The following RTL4 variants were observed in gnomAD, a reference collection of about 807,000 sequenced individuals.
The protein encoded by RTL4 is retrotransposon Gag like 4.
A neutral mutation model predicts 5.3 loss-of-function variants in RTL4; 4 were observed. The ratio of observed to expected loss-of-function variants is 0.75; its 90% confidence interval spans 0.37 to 1.72. RTL4 has a LOEUF of 1.72. RTL4 is among the 40% of genes most tolerant of loss of function. The pLI, the probability that RTL4 is intolerant of heterozygous loss-of-function variation, is 0.04. For missense variants in RTL4, 260 were observed against 227.1 expected (o/e 1.14, Z -0.93); for synonymous variants, 98 against 87.3 (o/e 1.12, Z -0.68).
chrX:112,326,858 G>A, the RTL4 span, among the ~76,000 whole-genome samples: 43 of 111,667 alleles, frequency 3.9e-4, 1 homozygote, highest in Non-Finnish European at 7.2e-4. Context: ...CCTGACCCCC[G>A]AGCAGCCTAA....
chrX:112,284,402 C>T, the RTL4 span, among the ~76,000 whole-genome samples: 1 of 110,426 alleles, frequency 9.1e-6, no homozygotes, highest in Admixed American at 9.7e-5. Context: ...TCAACTGTAA[C>T]ATACTATATA....
the RTL4 span, among the ~76,000 whole-genome samples, chrX:112,349,946 T>A: frequency 9.0e-6 from 1 of 110,627 alleles, no homozygotes; most frequent in Non-Finnish European, 1.9e-5. Flanking sequence ...TGTGCCAGTT[T>A]TCAAAGGGAA....
the RTL4 span, among the ~76,000 whole-genome samples, chrX:112,236,293 A>G: frequency 9.5e-6 from 1 of 105,811 alleles, no homozygotes. Context: ...TTATTTAAAA[A>G]ATGAGAATAA....
chrX:112,125,766 T>C, the RTL4 span, among the ~76,000 whole-genome samples: 1 of 111,592 alleles, frequency 9.0e-6, no homozygotes, highest in African/African-American at 3.3e-5. Context: ...ATTTAAAGAA[T>C]TAAAAACTGT....
At chrX:112,327,880 C>A in the RTL4 span, among the ~76,000 whole-genome samples, 9 of 110,446 alleles carry the variant, frequency 8.1e-5, no homozygotes, top group East Asian at 2.1e-3. Flanking sequence ...GAATTTTCAA[C>A]CCAGAATTTC....
chrX:112,447,946 G>T, the RTL4 span, among the ~76,000 whole-genome samples: 4 of 111,537 alleles, frequency 3.6e-5, no homozygotes, highest in Non-Finnish European at 7.5e-5. Context: ...GATTCTCATA[G>T]TCAAAAAACA....
chrX:112,314,322 T>C, the RTL4 span, among the ~76,000 whole-genome samples: 1 of 110,675 alleles, frequency 9.0e-6, no homozygotes, highest in African/African-American at 3.3e-5. Flanking sequence ...TAAGTACAAC[T>C]TCCTAACACC....
the RTL4 span, among the ~76,000 whole-genome samples, chrX:112,264,280 T>C: frequency 1.8e-5 from 2 of 112,116 alleles, no homozygotes; most frequent in Admixed American, 9.5e-5. Context: ...AGCTCAACAA[T>C]CTCTTTAGCT....
chrX:112,305,179 CTT>C, the RTL4 span, among the ~76,000 whole-genome samples: 5 of 98,539 alleles, frequency 5.1e-5, no homozygotes, highest in African/African-American at 7.4e-5. Flanking sequence ...TTTTTTTTGT[CTT>C]TTTTTTTTTT....
At chrX:112,283,332 G>A in the RTL4 span, among the ~76,000 whole-genome samples, 1 of 111,690 alleles carries the variant, frequency 9.0e-6, no homozygotes, top group Admixed American at 9.5e-5. Flanking sequence ...AATGGATATA[G>A]TAAGAGCAGT....
the RTL4 span, among the ~76,000 whole-genome samples, chrX:112,177,761 C>T: frequency 9.9e-5 from 11 of 110,980 alleles, no homozygotes; most frequent in Non-Finnish European, 1.5e-4. Context: ...CTACTAGGTA[C>T]AGACCATCCA....
chrX:112,143,892 T>C, the RTL4 span, among the ~76,000 whole-genome samples: 1 of 112,197 alleles, frequency 8.9e-6, no homozygotes. Context: ...CCAGTTTTAT[T>C]AAGGCATAAC....
chrX:112,350,065 T>C, the RTL4 span, among the ~76,000 whole-genome samples: 1 of 111,093 alleles, frequency 9.0e-6, no homozygotes, highest in Non-Finnish European at 1.9e-5. Context: ...TGAGAGTTTT[T>C]AGCATGAAGA....
At chrX:112,178,589 T>C in the RTL4 span, among the ~76,000 whole-genome samples, 1 of 111,793 alleles carries the variant, frequency 8.9e-6, no homozygotes. Context: ...AAATACATAG[T>C]TTTTAAAAAA....
At chrX:112,117,125 C>G in the RTL4 span, among the ~76,000 whole-genome samples, 2 of 109,966 alleles carry the variant, frequency 1.8e-5, no homozygotes, top group Non-Finnish European at 3.8e-5. Flanking sequence ...ACTACATAAT[C>G]TTAAAAATCG....
At chrX:112,437,922 C>T in the RTL4 span, among the ~76,000 whole-genome samples, 7 of 108,769 alleles carry the variant, frequency 6.4e-5, no homozygotes, top group Admixed American at 3.0e-4. Flanking sequence ...TTTCTTTTAG[C>T]GCTGTTGTAG....
At chrX:112,114,511 C>T in the RTL4 span, among the ~76,000 whole-genome samples, 1 of 111,758 alleles carries the variant, frequency 8.9e-6, no homozygotes, top group East Asian at 2.8e-4. Flanking sequence ...CATCTATATA[C>T]CTATCAGGAT....
At chrX:112,352,235 C>T in the RTL4 span, among the ~76,000 whole-genome samples, 303 of 111,443 alleles carry the variant, frequency 2.7e-3, 1 homozygote, top group Non-Finnish European at 5.0e-3. Flanking sequence ...GCTGAGAGAT[C>T]TGCTGTTAGT....
the RTL4 span, among the ~76,000 whole-genome samples, chrX:112,149,028 A>G: frequency 3.6e-5 from 4 of 111,321 alleles, no homozygotes; most frequent in South Asian, 3.8e-4. Context: ...ATCTGTCTGT[A>G]TATGGAAGTA....
Sources: gnomAD v4.1 joint callset for allele counts (sites outside exome capture counted in the v4.1 genomes callset) on GRCh38, gnomAD v4.1.1 for gene constraint, MANE v1.5 for transcripts, NCBI Gene and HGNC (gene_info 2026-07-23, HGNC 2026-07-21) for gene names.